Variants in NAV2 observed in about 807,000 individuals in gnomAD.
NAV2 encodes the protein neuron navigator 2.
NAV2 carries 54 observed loss-of-function variants against 223.2 expected under a neutral mutation model. The ratio of observed to expected loss-of-function variants is 0.24; its 90% CI spans 0.19 to 0.30. The LOEUF is 0.30. Among genes scored for constraint, NAV2 ranks in the 10% least tolerant of loss-of-function variants. The pLI is 1.00. For synonymous variants in NAV2, 1,279 were observed against 1,239.3 expected, an observed-to-expected ratio of 1.03 and a Z score of -0.67; for missense variants, 2,806 against 3,147.5, an observed-to-expected ratio of 0.89 and a Z score of 2.60.
intron 1 of NAV2, among the ~76,000 whole-genome samples, chr11:19,526,736 G>A (rs1316009332): frequency 6.6e-6 from 1 of 152,152 alleles, no homozygotes; most frequent in African/African-American, 2.4e-5. Context: ...ACTTGATCAT[G>A]AGGCCACCAC....
At chr11:19,502,092 A>G (rs2042981211) in intron 1 of NAV2, among the ~76,000 whole-genome samples, 1 of 152,214 alleles carries the variant, frequency 6.6e-6, no homozygotes, top group African/African-American at 2.4e-5. Flanking sequence ...AATTCAGATC[A>G]TCTCTATTAG....
At chr11:20,053,954 T>A (rs1325816951) in intron 17 of NAV2, 126 bp from the exon 18 acceptor site, 1 of 1,019,308 alleles carries the variant, frequency 9.8e-7, no homozygotes, top group Admixed American at 3.0e-5. Flanking sequence ...CGTGTAGTGA[T>A]CTGATTTTAA....
intron 31 of NAV2, among the ~76,000 whole-genome samples, chr11:20,099,977 C>G (rs1473636896): frequency 6.6e-6 from 1 of 152,118 alleles, no homozygotes; most frequent in Non-Finnish European, 1.5e-5. Flanking sequence ...GGGCCTTTGT[C>G]ATGTTCATTC....
At chr11:19,555,012 C>CAAAAAAAAAAAAAA (rs66625282) in intron 1 of NAV2, among the ~76,000 whole-genome samples, 2 of 141,552 alleles carry the variant, frequency 1.4e-5, no homozygotes, top group African/African-American at 5.4e-5. Context: ...CCATGTTTTG[C>CAAAAAAAAAAAAAA]AAAAAAAAAA....
chr11:19,814,587 G>GC (rs1565361768), intron 1 of NAV2, among the ~76,000 whole-genome samples: 1 of 152,152 alleles, frequency 6.6e-6, no homozygotes, highest in African/African-American at 2.4e-5. Context: ...CCTGGTGCCT[G>GC]CAGCTGTGTG....
chr11:20,027,541 C>CG, intron 11 of NAV2: 2 of 859,542 alleles, frequency 2.3e-6, no homozygotes, highest in Non-Finnish European at 2.8e-6. Context: ...GACAGAGGGG[C>CG]GGGGGCTGGC....
At chr11:19,987,442 G>C (rs1229006021) in intron 11 of NAV2, among the ~76,000 whole-genome samples, 1 of 152,182 alleles carries the variant, frequency 6.6e-6, no homozygotes, top group Non-Finnish European at 1.5e-5. Flanking sequence ...GATTAGACCT[G>C]ATTAGACCTC....
intron 3 of NAV2, among the ~76,000 whole-genome samples, chr11:19,862,947 A>G (rs1269409462): frequency 6.6e-6 from 1 of 152,320 alleles, no homozygotes; most frequent in Non-Finnish European, 1.5e-5. Flanking sequence ...AAAGAGACAG[A>G]GGAAGGGGTA....
Position 20,045,079 on chromosome 11 carries a change from A to G in NAV2, c.3311A>G (p.Lys1104Arg). ...CGGAGCAGTGGTGACGAATCCAAAA[A>G]GCCCCTCCCCAGCAGCTCTAGGACA... The part of the protein sequence containing the change: ...AGRSSGDESK[K>R]PLPSSSRTPT... Residue 1104 changes from lysine to arginine, a missense_variant, in exon 14 of 38, where the codon AAG becomes AGG. By Grantham distance (26) the Lys-to-Arg change is conservative (BLOSUM62 2). Around this residue, in one of 4 missense-constraint regions of NAV2, gnomAD observed 742 missense variants for 777.9 expected, o/e 0.95. Coordinates refer to ENST00000349880, the MANE Select transcript of NAV2 (RefSeq NM_145117.5). 1.9e-6 allele frequency: 3 copies of G among 1,614,134 alleles called. No individual in the cohort carries two copies. The highest frequency in any genetic ancestry group is 2.5e-6 in the Non-Finnish European group (3 of 1,180,012).
intron 1 of NAV2, among the ~76,000 whole-genome samples, chr11:19,770,689 A>G (rs987536435): frequency 3.3e-5 from 5 of 152,188 alleles, no homozygotes; most frequent in African/African-American, 1.2e-4. Context: ...GAGCTTTCAA[A>G]TTAGTCTTCA....
At position 19,476,115 on chromosome 11, in the gene NAV2, C is replaced by T. The variant is rs557037950; in HGVS notation, c.75+125088C>T. Among the ~76,000 whole-genome samples the T allele has an allele frequency of 1.6e-3, 241 of 152,266 alleles. 1 individual carries two copies. The highest frequency in any genetic ancestry group is 5.5e-3 in the African/African-American group (229 of 41,558). On this transcript the variant is annotated intron_variant, in intron 1 of 37. Transcript: ENST00000360655. ...TCAGCCTCCCGAGTAGCTGGGACTA[C>T]AGGCACGCGCCACCATGTCCAGCTA...
intron 11 of NAV2, among the ~76,000 whole-genome samples, chr11:20,002,865 T>TG (rs1468451791): frequency 1.3e-5 from 2 of 152,156 alleles, no homozygotes; most frequent in Non-Finnish European, 2.9e-5. Flanking sequence ...AAACAGACTC[T>TG]GATAGGTTGA....
chr11:20,118,324 C>T lies in NAV2; in HGVS notation c.*66C>T, dbSNP rs1448176985. On this transcript the variant is annotated 3_prime_UTR_variant, in exon 38 of 38. Transcript: ENST00000349880. ...CATTCCACCTGCATCCCCCACATCACCCTGAAGATGACTTCCTGAGCCAGC... is the reference window on the plus strand; with the variant it reads ...CATTCCACCTGCATCCCCCACATCATCCTGAAGATGACTTCCTGAGCCAGC... 5.1e-6 allele frequency: 8 copies of T among 1,571,050 alleles called. No homozygotes were observed. Among genetic ancestry groups the T allele is most frequent in the African/African-American group, 4.0e-5 (3 of 74,094 alleles).
rs145221927 is a variant in NAV2 at position 19,367,639 on chromosome 11, T to C, written c.75+16612T>C. On this transcript the variant is annotated intron_variant, in intron 1 of 37. Coordinates refer to the NAV2 transcript ENST00000360655. The stretch of plus-strand genomic sequence containing the variant: ...TCATCTCTGCCTCTCACTGGGATGG[T>C]CTCCTTGCCAGTGGCCCAGAGTGCA... Among the ~76,000 whole-genome samples, 579 of 152,278 alleles carry C rather than the reference T, an allele frequency of 3.8e-3. 3 individuals are homozygous for C. Among genetic ancestry groups the C allele is most frequent in the Middle Eastern group, 0.014 (4 of 294 alleles).
chr11:19,745,822 GCTCA>G (rs1341526023), intron 1 of NAV2, among the ~76,000 whole-genome samples: 11 of 152,116 alleles, frequency 7.2e-5, no homozygotes, highest in African/African-American at 2.7e-4. Flanking sequence ...AGGTGGTAAT[GCTCA>G]CTCGCCCACC....
Position 20,104,610 on chromosome 11 carries a change from A to G in NAV2, c.6644+886A>G, listed in dbSNP as rs1471935256. The G allele has an allele frequency of 2.6e-5, 4 of 152,198 alleles. No homozygotes were observed. The East Asian group carries it at 7.8e-4, about 30-fold the overall frequency. 9.4% of individuals were successfully genotyped at this position (152,198 alleles called of 1,614,324 possible). A position where few individuals can be genotyped will look rare whatever the true frequency, so the allele number is the denominator to read the frequency against. ...GTCCATCGTCCTCCTCTTTCCCCCT[A>G]TCACTGCCCCATCATCACCCAGCAC... On this transcript the variant is annotated intron_variant, in intron 34 of 37. Transcript: ENST00000349880.
intron 3 of NAV2, among the ~76,000 whole-genome samples, chr11:19,853,045 G>C (rs1349498858): frequency 2.0e-5 from 3 of 152,196 alleles, no homozygotes; most frequent in Non-Finnish European, 4.4e-5. Flanking sequence ...TGGTGTTTGG[G>C]TTGGTAAAGC....
chr11:19,772,216 A>G (rs1234881350), intron 1 of NAV2, among the ~76,000 whole-genome samples: 3 of 152,202 alleles, frequency 2.0e-5, no homozygotes, highest in East Asian at 1.9e-4. Context: ...GCTACTTGCA[A>G]AAATGTCTGC....
At chr11:19,660,508 T>C (rs1003258647) in intron 1 of NAV2, among the ~76,000 whole-genome samples, 3 of 151,892 alleles carry the variant, frequency 2.0e-5, no homozygotes, top group Non-Finnish European at 4.4e-5. Context: ...CAGGAGAAAT[T>C]AGAGGTCCAC....
Sources: gnomAD v4.1 joint callset for allele counts (sites outside exome capture counted in the v4.1 genomes callset) on GRCh38, gnomAD v4.1.1 for gene constraint, gnomAD v4.1.1 regional missense constraint, MANE v1.5 for transcripts, NCBI Gene and HGNC (gene_info 2026-07-23, HGNC 2026-07-21) for gene names.